SCFD2: variants seen among roughly 807,000 people sequenced by gnomAD.
SCFD2 encodes sec1 family domain containing 2, also known as sec1 family domain-containing protein 2.
Under a neutral mutation model 58.9 loss-of-function variants are expected in SCFD2, and 54 were observed. The observed-to-expected ratio is 0.92, with a 90% CI of 0.74 to 1.15. The LOEUF (loss-of-function observed/expected upper bound fraction) is 1.15. Among genes scored for constraint, SCFD2 ranks in the 50% most tolerant of loss-of-function variants. The pLI is 0.00. For missense variants in SCFD2, 805 were observed against 836.6 expected (o/e 0.96, Z 0.47); for synonymous variants, 321 against 335.9 (o/e 0.96, Z 0.49).
At chr4:53,209,929 T>C (rs1728555914) in intron 4 of SCFD2, among the ~76,000 whole-genome samples, 2 of 152,220 alleles carry the variant, frequency 1.3e-5, no homozygotes, top group Middle Eastern at 3.4e-3. Context: ...TTTTACACAT[T>C]GTAAGTTAAA....
At chr4:53,200,643 A>T (rs1728202060) in intron 4 of SCFD2, among the ~76,000 whole-genome samples, 1 of 152,062 alleles carries the variant, frequency 6.6e-6, no homozygotes, top group Non-Finnish European at 1.5e-5. Context: ...AACTGAAAAA[A>T]CTTTTCCTCT....
intron 5 of SCFD2, among the ~76,000 whole-genome samples, chr4:52,966,454 C>G (rs1323355990): frequency 6.6e-6 from 1 of 152,152 alleles, no homozygotes; most frequent in African/African-American, 2.4e-5. Context: ...CTCCTTCCCA[C>G]ATTACCTTCC....
At chr4:53,255,687 C>A (rs1395612219) in intron 4 of SCFD2, among the ~76,000 whole-genome samples, 2 of 152,246 alleles carry the variant, frequency 1.3e-5, no homozygotes, top group South Asian at 4.1e-4. Flanking sequence ...TTCCACAAAA[C>A]CTCCATTGTC....
At chr4:53,358,566 A>G (rs909327630) in intron 1 of SCFD2, among the ~76,000 whole-genome samples, 8 of 152,024 alleles carry the variant, frequency 5.3e-5, no homozygotes, top group African/African-American at 1.9e-4. Flanking sequence ...GAAAAAAAAA[A>G]AAAAAAAAGT....
chr4:53,276,947 T>C (rs1161766341), intron 3 of SCFD2, among the ~76,000 whole-genome samples: 6 of 152,242 alleles, frequency 3.9e-5, no homozygotes, highest in African/African-American at 9.6e-5. Flanking sequence ...TTCATGTGTG[T>C]CTTTTGCCAT....
chr4:53,152,989 C>T (rs1726557735), intron 4 of SCFD2, among the ~76,000 whole-genome samples: 1 of 151,018 alleles, frequency 6.6e-6, no homozygotes, highest in African/African-American at 2.4e-5. Context: ...ACAGCCCTGC[C>T]CCTGTGGCTT....
chr4:53,246,382 T>G (rs1238452456), intron 4 of SCFD2, among the ~76,000 whole-genome samples: 7 of 152,128 alleles, frequency 4.6e-5, no homozygotes, highest in Non-Finnish European at 8.8e-5. Context: ...AAAACCCGAA[T>G]AGCCAAGGGA....
At chr4:52,936,639 C>T (rs897967650) in intron 5 of SCFD2, among the ~76,000 whole-genome samples, 10 of 152,186 alleles carry the variant, frequency 6.6e-5, no homozygotes, top group African/African-American at 1.9e-4. Flanking sequence ...AGACTTCCAA[C>T]GTCAGGCTGG....
chr4:52,885,688 C>T (rs1718721922), intron 8 of SCFD2, 59 bp downstream of exon 8: 1 of 1,602,322 alleles, frequency 6.2e-7, no homozygotes, highest in Middle Eastern at 1.7e-4. Flanking sequence ...GGAGGGCCCT[C>T]ACCCACCCTT....
rs549649470 is a variant in SCFD2, at chr4:53,244,835, T to A, written c.1311+28991A>T. 1.1e-3 allele frequency among the ~76,000 whole-genome samples: 150 copies of A among 138,922 alleles called. 1 individual carries two copies. Among genetic ancestry groups the A allele is most frequent in the African/African-American group, 3.6e-3 (130 of 35,818 alleles). The allele number at this position is 138,922 out of a possible 152,430, so 91.1% of individuals were successfully genotyped here. A position where few individuals can be genotyped will look rare whatever the true frequency, so the allele number is the denominator to read the frequency against. On this transcript the variant is annotated intron_variant, in intron 4 of 8. Coordinates refer to ENST00000401642, the MANE Select transcript of SCFD2 (RefSeq NM_152540.4). ...GGGTATTTCTGAAAAAAAAAAATAA[T>A]AATAATAATAAGATAGACCAATAGC...
chr4:53,261,298 C>T (rs1368522274), intron 4 of SCFD2, among the ~76,000 whole-genome samples: 1 of 152,014 alleles, frequency 6.6e-6, no homozygotes, highest in Non-Finnish European at 1.5e-5. Flanking sequence ...GTTCTTGCTT[C>T]TGTAGTTTCT....
intron 3 of SCFD2, among the ~76,000 whole-genome samples, chr4:53,306,994 A>G (rs1473430822): frequency 6.6e-6 from 1 of 152,244 alleles, no homozygotes; most frequent in Non-Finnish European, 1.5e-5. Flanking sequence ...GGAAGAAGCC[A>G]GGCAAACAAT....
intron 4 of SCFD2, among the ~76,000 whole-genome samples, chr4:53,162,435 G>A (rs952605064): frequency 1.3e-5 from 2 of 152,116 alleles, no homozygotes; most frequent in African/African-American, 2.4e-5. Flanking sequence ...CAGTAAAAAA[G>A]GCCAGTTTAA....
intron 4 of SCFD2, among the ~76,000 whole-genome samples, chr4:53,229,691 C>T (rs1408906555): frequency 6.6e-6 from 1 of 152,124 alleles, no homozygotes; most frequent in African/African-American, 2.4e-5. Flanking sequence ...TAGGCAATAC[C>T]ATTCAGGACA....
In SCFD2 at chr4:53,328,205, TGA is replaced by T. The variant is rs1491027630; in HGVS notation, c.1008-14444_1008-14443del. On this transcript the variant is annotated intron_variant, in intron 2 of 8. Transcript: ENST00000401642. ...GTGCACATGTATGTGTGTGTGTGTG[TGA>T]GTGTGTGTGTATGTATACAAATTCC... 1.2e-4 allele frequency among the ~76,000 whole-genome samples: 18 copies of T among 151,794 alleles called. No individual in the cohort carries two copies. The East Asian group carries it at 2.5e-3, about 21-fold the overall frequency.
chr4:52,969,979 T>C (rs1163708537), intron 5 of SCFD2, among the ~76,000 whole-genome samples: 3 of 152,152 alleles, frequency 2.0e-5, no homozygotes, highest in African/African-American at 4.8e-5. Flanking sequence ...TTTTCACTTA[T>C]AAAAATGTTT....
chr4:53,228,112 G>A (rs1385348395), intron 4 of SCFD2, among the ~76,000 whole-genome samples: 2 of 152,110 alleles, frequency 1.3e-5, no homozygotes, highest in Admixed American at 6.6e-5. Context: ...TCCTAGAACT[G>A]TAAGGTTTGA....
chr4:53,256,454 C>T (rs983606604), intron 4 of SCFD2, among the ~76,000 whole-genome samples: 15 of 151,606 alleles, frequency 9.9e-5, no homozygotes, highest in South Asian at 2.1e-4. Flanking sequence ...CAGGCAGAGA[C>T]GCTCCTCACT....
rs576344787 is a variant in SCFD2, at chr4:53,363,773, C to T, written c.838+1331G>A. Among the ~76,000 whole-genome samples the T allele has an allele frequency of 2.1e-5, 3 of 144,082 alleles. No homozygotes were observed. The East Asian group carries it at 6.3e-4, about 30-fold the overall frequency. 94.5% of individuals were successfully genotyped at this position (144,082 alleles called of 152,430 possible). A position where few individuals can be genotyped will look rare whatever the true frequency, so the allele number is the denominator to read the frequency against. The stretch of plus-strand genomic sequence containing the variant: ...GGGAGGCGGAGCTTGCAGTGAGCCT[C>T]GCGAGATTGCGCCATTGCACTCCAG... On this transcript the variant is annotated intron_variant, in intron 1 of 8. Coordinates refer to ENST00000401642, the MANE Select transcript of SCFD2 (RefSeq NM_152540.4).
Sources: gnomAD v4.1 joint callset for allele counts (sites outside exome capture counted in the v4.1 genomes callset) on GRCh38, gnomAD v4.1.1 for gene constraint, MANE v1.5 for transcripts, NCBI Gene and HGNC (gene_info 2026-07-23, HGNC 2026-07-21) for gene names.